WDPCP: variants seen among roughly 807,000 people sequenced by gnomAD.
WDPCP encodes the protein WD repeat-containing and planar cell polarity effector protein fritz homolog.
Under a neutral mutation model 93.1 loss-of-function variants are expected in WDPCP, and 71 were observed. The ratio of observed to expected loss-of-function variants is 0.76; its 90% CI spans 0.63 to 0.93. WDPCP has a LOEUF of 0.93. Ranked by LOEUF, WDPCP falls within the 40% of genes least tolerant of loss-of-function variation. WDPCP has a pLI of 0.00. For missense variants in WDPCP, 844 were observed against 887.4 expected, an observed-to-expected ratio of 0.95 and a Z score of 0.62; for synonymous variants, 315 against 315.0, an observed-to-expected ratio of 1.00 and a Z score of 0.00.
intron 3 of WDPCP, chr2:63,643,060 T>G (rs991776364): frequency 6.5e-6 from 1 of 153,732 alleles, no homozygotes; most frequent in Non-Finnish European, 1.4e-5. Flanking sequence ...ATCAAATGCT[T>G]TTTTTGGCAT....
Position 63,122,047 on chromosome 2 carries a change from C to G in WDPCP, c.2200G>C (p.Asp734His). ...REDGREQEIR[D>H]GGSLKMIHFG... ...TGAATCATTTTGAGAGAACCACCAT[C>G]TCTGATTTCCTGCAAATAAACAAAT... The change falls in exon 18 of 18, where the codon GAT (aspartate) becomes CAT (histidine). Residue 734 changes from aspartate (D) to histidine (H), a missense_variant. Asp to His is a moderately conservative substitution (Grantham distance 81, BLOSUM62 -1). Coordinates refer to ENST00000272321, the MANE Select transcript of WDPCP (RefSeq NM_015910.7). 2 of 1,610,866 alleles carry G rather than the reference C, an allele frequency of 1.2e-6. No homozygotes were observed. The highest frequency in any genetic ancestry group is 1.1e-5 in the South Asian group (1 of 90,890).
chr2:63,299,405 C>T (rs1357613453), intron 13 of WDPCP, among the ~76,000 whole-genome samples: 3 of 152,156 alleles, frequency 2.0e-5, no homozygotes, highest in Non-Finnish European at 1.5e-5. Flanking sequence ...AGGAATTGGA[C>T]CCTGTCCCTA....
intron 1 of WDPCP, among the ~76,000 whole-genome samples, chr2:63,506,796 C>T (rs1250816590): frequency 2.0e-5 from 3 of 151,914 alleles, no homozygotes; most frequent in Admixed American, 6.6e-5. Flanking sequence ...AAAATGGACT[C>T]GTGAGAGGTT....
At chr2:63,676,963 T>C (rs1710411091) in intron 2 of WDPCP, among the ~76,000 whole-genome samples, 1 of 152,162 alleles carries the variant, frequency 6.6e-6, no homozygotes, top group African/African-American at 2.4e-5. Flanking sequence ...TACGTGAGCT[T>C]TTCAGTGCAT....
At chr2:63,597,253 C>T in intron 3 of WDPCP, 1 of 1,228,778 alleles carries the variant, frequency 8.1e-7, no homozygotes, top group East Asian at 3.2e-5. Context: ...AATATATTAT[C>T]TTTCTCAGGC....
Position 63,209,356 on chromosome 2 carries a change from G to A in WDPCP, c.1916-34524C>T, listed in dbSNP as rs371268198. ...AGGAATCTTGGTCATCCATTCATGCGTGTCACTAATTAAATGACCAAGCTT... is the reference window on the plus strand; with the variant it reads ...AGGAATCTTGGTCATCCATTCATGCATGTCACTAATTAAATGACCAAGCTT... On this transcript the variant is annotated intron_variant, in intron 14 of 17. Coordinates refer to ENST00000272321, the MANE Select transcript of WDPCP (RefSeq NM_015910.7). 1.5e-3 allele frequency among the ~76,000 whole-genome samples: 224 copies of A among 152,232 alleles called. 7 individuals are homozygous for A. The South Asian group carries it at 0.043, about 29-fold the overall frequency.
At chr2:63,619,834 T>C (rs11900991) in intron 3 of WDPCP, among the ~76,000 whole-genome samples, 11,223 of 152,166 alleles carry the variant, frequency 0.074, 1,178 homozygotes, top group African/African-American at 0.24. Context: ...GCTCATCTCA[T>C]TGGGACTGGT....
upstream of WDPCP, chr2:63,590,486 G>A (rs1709171617): frequency 6.6e-6 from 1 of 152,096 alleles, no homozygotes; most frequent in Non-Finnish European, 1.5e-5. Context: ...CTGAGATTCC[G>A]GATGAAGTTA....
chr2:63,821,096 C>G (rs1262841654), intron 1 of WDPCP, among the ~76,000 whole-genome samples: 1 of 152,154 alleles, frequency 6.6e-6, no homozygotes, highest in Admixed American at 6.5e-5. Flanking sequence ...GAGACACAGA[C>G]ATGAATAAAT....
At chr2:63,199,741 C>A (rs548893296) in intron 14 of WDPCP, among the ~76,000 whole-genome samples, 1 of 152,094 alleles carries the variant, frequency 6.6e-6, no homozygotes. Context: ...GGGTTGGAGG[C>A]CCCCCAACCG....
intron 1 of WDPCP, among the ~76,000 whole-genome samples, chr2:63,494,156 T>C (rs890389245): frequency 2.0e-5 from 3 of 151,894 alleles, no homozygotes; most frequent in Non-Finnish European, 2.9e-5. Context: ...GAGTGAAAAA[T>C]GTGGCAGCAC....
chr2:63,763,685 A>C (rs1201066879), intron 2 of WDPCP, among the ~76,000 whole-genome samples: 1 of 152,172 alleles, frequency 6.6e-6, no homozygotes, highest in Non-Finnish European at 1.5e-5. Context: ...TGATTAGTGA[A>C]ATTATGTAGA....
chr2:63,797,853 C>T (rs1300254466), intron 2 of WDPCP, among the ~76,000 whole-genome samples: 1 of 151,916 alleles, frequency 6.6e-6, no homozygotes, highest in Non-Finnish European at 1.5e-5. Context: ...CAGATTTAAC[C>T]TAAGGAAGAC....
intron 2 of WDPCP, among the ~76,000 whole-genome samples, chr2:63,702,030 A>AT (rs1051328036): frequency 4.0e-5 from 6 of 151,660 alleles, no homozygotes; most frequent in Admixed American, 3.9e-4. Context: ...AGAAAAGACG[A>AT]TTTTTTTTTC....
chr2:63,413,124 C>T (rs989917322), intron 9 of WDPCP, among the ~76,000 whole-genome samples: 12 of 152,144 alleles, frequency 7.9e-5, no homozygotes, highest in Non-Finnish European at 2.9e-5. Context: ...TCAAACTATA[C>T]TATAAGGCCA....
chr2:63,824,266 C>T (rs1671075561), intron 1 of WDPCP, among the ~76,000 whole-genome samples: 1 of 151,966 alleles, frequency 6.6e-6, no homozygotes, highest in Non-Finnish European at 1.5e-5. Context: ...TTTAAGTTTC[C>T]TGAGGACTCC....
chr2:63,501,084 G>A (rs1701519352), intron 1 of WDPCP, among the ~76,000 whole-genome samples: 1 of 152,056 alleles, frequency 6.6e-6, no homozygotes, highest in African/African-American at 2.4e-5. Flanking sequence ...ATTTGAAAAT[G>A]AGCACCCACT....
chr2:63,217,190 A>G (rs1677430954), intron 14 of WDPCP, among the ~76,000 whole-genome samples: 1 of 152,236 alleles, frequency 6.6e-6, no homozygotes, highest in African/African-American at 2.4e-5. Flanking sequence ...AAAAACATCA[A>G]AAGAATTTTC....
At chr2:63,500,163 G>C (rs1477362994) in intron 1 of WDPCP, among the ~76,000 whole-genome samples, 3 of 152,166 alleles carry the variant, frequency 2.0e-5, no homozygotes, top group Admixed American at 2.0e-4. Flanking sequence ...TAGAAGAAGA[G>C]CAAGTTTTGT....
Sources: allele counts gnomAD v4.1 joint callset (sites outside exome capture counted in the v4.1 genomes callset), GRCh38; gene constraint gnomAD v4.1.1; transcripts MANE v1.5; gene names NCBI Gene and HGNC (gene_info 2026-07-23, HGNC 2026-07-21).